The following LRRC1 variants were observed in gnomAD, a reference collection of about 807,000 sequenced individuals.
LRRC1 encodes the protein leucine-rich repeat-containing protein 1.
Under a neutral mutation model 69.9 loss-of-function variants are expected in LRRC1, and 28 were observed. The observed-to-expected ratio is 0.40, with a 90% confidence interval of 0.30 to 0.55. LRRC1 has a LOEUF of 0.55. Ranked by LOEUF, LRRC1 falls within the 20% of genes least tolerant of loss-of-function variation. The pLI is 0.47. For synonymous variants in LRRC1, 236 were observed against 240.2 expected (o/e 0.98, Z 0.16); for missense variants, 498 against 609.0 (o/e 0.82, Z 1.92).
At chr6:53,862,112 C>T (rs571084138) in intron 2 of LRRC1, among the ~76,000 whole-genome samples, 4 of 152,206 alleles carry the variant, frequency 2.6e-5, no homozygotes, top group African/African-American at 9.6e-5. Flanking sequence ...CTCCATTTCT[C>T]TAGAGAATTC....
At chr6:53,904,335 TA>T in intron 9 of LRRC1, 43 bp from the exon 10 acceptor site, 1 of 1,221,796 alleles carries the variant, frequency 8.2e-7, no homozygotes, top group Non-Finnish European at 1.2e-6. Flanking sequence ...TGAGCCATGT[TA>T]AAAATGTGTG....
chr6:53,903,609 A>G (rs1354808759), intron 9 of LRRC1, among the ~76,000 whole-genome samples: 5 of 149,628 alleles, frequency 3.3e-5, no homozygotes, highest in Admixed American at 2.7e-4. Flanking sequence ...CTTTCTCTAT[A>G]AATAGAGTAA....
intron 13 of LRRC1, among the ~76,000 whole-genome samples, chr6:53,922,220 C>T (rs546342668): frequency 2.6e-5 from 4 of 152,200 alleles, no homozygotes; most frequent in South Asian, 4.2e-4. Flanking sequence ...AAGCCAGAAT[C>T]GCTTTGGGTA....
At chr6:53,815,382 A>G (rs935630662) in intron 1 of LRRC1, among the ~76,000 whole-genome samples, 1 of 152,150 alleles carries the variant, frequency 6.6e-6, no homozygotes, top group Non-Finnish European at 1.5e-5. Flanking sequence ...GGCACGGCAT[A>G]TAGCTCCAGG....
At chr6:53,842,045 T>C in intron 1 of LRRC1, 65 bp from the exon 2 acceptor site, 4 of 1,006,636 alleles carry the variant, frequency 4.0e-6, no homozygotes, top group Non-Finnish European at 3.1e-6. Context: ...TTACATTTCA[T>C]AGTAGCCCAA....
chr6:53,904,652 G>A (rs1562068879), intron 10 of LRRC1, 190 bp downstream of exon 10: 1 of 369,344 alleles, frequency 2.7e-6, no homozygotes, highest in Non-Finnish European at 4.9e-6. Context: ...ACATTAAGGA[G>A]AGTTGGAAAA....
rs765376240 is a variant in LRRC1 at position 53,922,651 on chromosome 6, G to A, written c.1433G>A (p.Arg478Gln). 8.7e-6 allele frequency: 14 copies of A among 1,613,502 alleles called. No homozygotes were observed. The South Asian group carries it at 9.9e-5, about 11-fold the overall frequency. ...TGTTTTTAGAGAACACTTCTAAGGC[G>A]AGCCACTCCACACCCAGGGGAGTTA... Reference protein sequence around the residue: ...EDNETRTLLRRATPHPGELKH... With the variant: ...EDNETRTLLRQATPHPGELKH... The change falls in exon 14 of 14, where the codon CGA becomes CAA. Residue 478 changes from arginine (R) to glutamine (Q), a missense_variant. Arg to Gln is a conservative substitution (Grantham distance 43). Around this residue, in one of 3 missense-constraint regions of LRRC1, gnomAD observed 162 missense variants for 162.9 expected, o/e 0.99. Transcript: ENST00000370888.
At chr6:53,898,789 A>C (rs958093359) in intron 7 of LRRC1, among the ~76,000 whole-genome samples, 1 of 152,242 alleles carries the variant, frequency 6.6e-6, no homozygotes, top group Non-Finnish European at 1.5e-5. Flanking sequence ...GGGCAGGATC[A>C]TAAGGCAATA....
intron 1 of LRRC1, among the ~76,000 whole-genome samples, chr6:53,840,558 G>A (rs1262776069): frequency 6.6e-6 from 1 of 151,654 alleles, no homozygotes; most frequent in Non-Finnish European, 1.5e-5. Flanking sequence ...TTTCAACTAC[G>A]AATTACTTTG....
chr6:53,863,913 A>AGTGGGGTCAGAATT (rs1766612179), intron 2 of LRRC1, among the ~76,000 whole-genome samples: 13 of 152,314 alleles, frequency 8.5e-5, no homozygotes, highest in African/African-American at 3.1e-4. Flanking sequence ...TTATTATCAG[A>AGTGGGGTCAGAATT]AAACCTTTCT....
chr6:53,853,817 G>T (rs1488726346), intron 2 of LRRC1, among the ~76,000 whole-genome samples: 1 of 152,196 alleles, frequency 6.6e-6, no homozygotes, highest in East Asian at 1.9e-4. Context: ...CAGGTCCCTT[G>T]GAAGCAGGTG....
chr6:53,799,193 A>G (rs1199240448), intron 1 of LRRC1, among the ~76,000 whole-genome samples: 1 of 152,252 alleles, frequency 6.6e-6, no homozygotes, highest in African/African-American at 2.4e-5. Context: ...GCCAGATGGC[A>G]TTATCTCAAA....
chr6:53,900,163 G>C (rs545692265), intron 8 of LRRC1, among the ~76,000 whole-genome samples: 3 of 149,576 alleles, frequency 2.0e-5, no homozygotes, highest in Non-Finnish European at 4.4e-5. Context: ...TCAGCCTCCC[G>C]AATAGCTGGG....
chr6:53,849,608 C>G (rs1445065309), intron 2 of LRRC1, among the ~76,000 whole-genome samples: 2 of 152,196 alleles, frequency 1.3e-5, no homozygotes, highest in Non-Finnish European at 2.9e-5. Context: ...AAACAGCGCT[C>G]TCCTCTTACT....
At chr6:53,824,831 A>G (rs2127410155) in intron 1 of LRRC1, among the ~76,000 whole-genome samples, 1 of 152,334 alleles carries the variant, frequency 6.6e-6, no homozygotes, top group Non-Finnish European at 1.5e-5. Flanking sequence ...TCAACCATCC[A>G]GTTTTTCAGT....
intron 1 of LRRC1, among the ~76,000 whole-genome samples, chr6:53,816,992 C>A (rs1391521039): frequency 6.6e-6 from 1 of 152,044 alleles, no homozygotes; most frequent in South Asian, 2.1e-4. Context: ...GATTTTTGAC[C>A]CCCAATTATG....
At chr6:53,822,644 G>T (rs938218320) in intron 1 of LRRC1, among the ~76,000 whole-genome samples, 2 of 152,160 alleles carry the variant, frequency 1.3e-5, no homozygotes, top group African/African-American at 4.8e-5. Context: ...ACTGGTTCAC[G>T]CAGGATTACC....
intron 2 of LRRC1, among the ~76,000 whole-genome samples, chr6:53,848,268 AC>A (rs1209034393): frequency 6.6e-6 from 1 of 152,104 alleles, no homozygotes; most frequent in Non-Finnish European, 1.5e-5. Flanking sequence ...CTTAACCTTT[AC>A]CTTCTCTTTT....
At chr6:53,892,800 A>G (rs1002602315) in intron 4 of LRRC1, among the ~76,000 whole-genome samples, 1 of 152,214 alleles carries the variant, frequency 6.6e-6, no homozygotes, top group Non-Finnish European at 1.5e-5. Flanking sequence ...ATTTTGGTGA[A>G]GGACTGTCCA....
Sources: gnomAD v4.1 joint callset for allele counts (sites outside exome capture counted in the v4.1 genomes callset) on GRCh38, gnomAD v4.1.1 for gene constraint, gnomAD v4.1.1 regional missense constraint, MANE v1.5 for transcripts, NCBI Gene and HGNC (gene_info 2026-07-23, HGNC 2026-07-21) for gene names.